Variants in RAD51B observed in about 807,000 individuals in gnomAD.
The protein encoded by RAD51B is DNA repair protein RAD51 homolog 2.
Under a neutral mutation model 42.2 loss-of-function variants are expected in RAD51B, and 38 were observed. The ratio of observed to expected loss-of-function variants is 0.90; its 90% confidence interval spans 0.70 to 1.18. The LOEUF (loss-of-function observed/expected upper bound fraction) is 1.18, where lower values mean the gene tolerates loss of function less well. RAD51B is among the 50% of genes most tolerant of loss of function. The probability of loss-of-function intolerance (pLI) is 0.00; values close to 1 mark genes in which losing one functional copy is unlikely to be tolerated. For missense variants in RAD51B, 373 were observed against 400.7 expected (o/e 0.93, Z 0.59); for synonymous variants, 154 against 145.2 (o/e 1.06, Z -0.43).
intron 7 of RAD51B, among the ~76,000 whole-genome samples, chr14:68,192,580 C>T (rs1378246522): frequency 1.3e-5 from 2 of 152,150 alleles, no homozygotes; most frequent in African/African-American, 2.4e-5. Context: ...TATGTTGGCT[C>T]TCTGAAAACA....
At chr14:68,226,413 C>T (rs1221249938) in intron 7 of RAD51B, among the ~76,000 whole-genome samples, 1 of 152,210 alleles carries the variant, frequency 6.6e-6, no homozygotes, top group Non-Finnish European at 1.5e-5. Flanking sequence ...CCACCCAAAT[C>T]TCACCTTGAA....
At chr14:68,354,194 T>G (rs946326303) in intron 8 of RAD51B, among the ~76,000 whole-genome samples, 3 of 149,080 alleles carry the variant, frequency 2.0e-5, no homozygotes, top group Non-Finnish European at 4.4e-5. Context: ...TCCAATAATG[T>G]TTTTTGGTTT....
chr14:67,965,062 A>T, intron 7 of RAD51B, among the ~76,000 whole-genome samples: 1 of 152,190 alleles, frequency 6.6e-6, no homozygotes, highest in Admixed American at 6.5e-5. Flanking sequence ...GCACAGAGAA[A>T]ATTGGCAAAC....
intron 7 of RAD51B, among the ~76,000 whole-genome samples, chr14:67,911,892 C>T (rs1007895096): frequency 1.3e-5 from 2 of 152,058 alleles, no homozygotes; most frequent in Non-Finnish European, 2.9e-5. Flanking sequence ...GTCTGGGGAG[C>T]GACTCTTATA....
intron 7 of RAD51B, among the ~76,000 whole-genome samples, chr14:68,138,509 TTC>T (rs946127278): frequency 2.6e-5 from 4 of 152,114 alleles, no homozygotes; most frequent in Non-Finnish European, 5.9e-5. Flanking sequence ...TAAAAAAAAA[TTC>T]TCTTTTCTTG....
chr14:68,592,587 A>T (rs773789769), intron 10 of RAD51B, among the ~76,000 whole-genome samples: 8 of 152,200 alleles, frequency 5.3e-5, no homozygotes, highest in Non-Finnish European at 1.2e-4. Context: ...CAGGGCCAGG[A>T]TTAGAATGCT....
intron 7 of RAD51B, among the ~76,000 whole-genome samples, chr14:67,921,985 G>T (rs1446497801): frequency 6.6e-6 from 1 of 152,182 alleles, no homozygotes; most frequent in East Asian, 1.9e-4. Context: ...TTTGCTTTCA[G>T]AAATCTCCAG....
At chr14:68,460,226 T>C (rs901531411) in intron 9 of RAD51B, among the ~76,000 whole-genome samples, 2 of 152,068 alleles carry the variant, frequency 1.3e-5, no homozygotes, top group Admixed American at 6.5e-5. Flanking sequence ...CTGAAGCAGG[T>C]GGATCACCTG....
At chr14:68,597,481 G>A (rs1344946973), downstream of RAD51B, among the ~76,000 whole-genome samples, 1 of 152,220 alleles carries the variant, frequency 6.6e-6, no homozygotes, top group Non-Finnish European at 1.5e-5. Flanking sequence ...ACAAGATCGT[G>A]TCTCTTGTAG....
At chr14:68,216,836 G>A (rs868504013) in intron 7 of RAD51B, among the ~76,000 whole-genome samples, 6 of 152,246 alleles carry the variant, frequency 3.9e-5, no homozygotes, top group African/African-American at 1.2e-4. Flanking sequence ...GGGGTCAAGA[G>A]GAGCCTGGAC....
intron 9 of RAD51B, among the ~76,000 whole-genome samples, chr14:68,420,765 T>G (rs1453418870): frequency 2.0e-5 from 3 of 152,230 alleles, no homozygotes; most frequent in Non-Finnish European, 4.4e-5. Flanking sequence ...TGACCTCCTA[T>G]CTCATGCTGT....
chr14:67,906,530 T>C (rs1311910087), intron 7 of RAD51B, among the ~76,000 whole-genome samples: 1 of 152,102 alleles, frequency 6.6e-6, no homozygotes, highest in African/African-American at 2.4e-5. Flanking sequence ...TCCAGGGTTT[T>C]TTCTGGCTGG....
chr14:68,337,626 G>T (rs775024845), intron 8 of RAD51B, among the ~76,000 whole-genome samples: 3 of 152,146 alleles, frequency 2.0e-5, no homozygotes, highest in Non-Finnish European at 4.4e-5. Context: ...ATTTTCCCTT[G>T]CCTAGGCTAT....
intron 7 of RAD51B, among the ~76,000 whole-genome samples, chr14:68,030,650 G>A (rs941344760): frequency 2.0e-5 from 3 of 152,090 alleles, no homozygotes; most frequent in Admixed American, 6.5e-5. Context: ...TCAGCAATAC[G>A]GCTGTTTCAC....
chr14:67,870,312 A>G (rs924997376), intron 5 of RAD51B, among the ~76,000 whole-genome samples: 12 of 152,248 alleles, frequency 7.9e-5, no homozygotes, highest in African/African-American at 2.9e-4. Context: ...CAGACTTTAA[A>G]CCAACAAAGA....
intron 7 of RAD51B, among the ~76,000 whole-genome samples, chr14:68,130,876 G>A (rs1248590797): frequency 1.3e-5 from 2 of 152,070 alleles, no homozygotes; most frequent in African/African-American, 4.8e-5. Flanking sequence ...CTGACTTTGT[G>A]TGTGTGGGTG....
At chr14:68,315,400 C>G (rs2082036441) in intron 8 of RAD51B, among the ~76,000 whole-genome samples, 1 of 152,222 alleles carries the variant, frequency 6.6e-6, no homozygotes, top group Non-Finnish European at 1.5e-5. Flanking sequence ...GCACAACAGT[C>G]TTTGCATGTA....
chr14:67,854,020 G>C (rs1405314083), intron 4 of RAD51B, among the ~76,000 whole-genome samples: 2 of 152,182 alleles, frequency 1.3e-5, no homozygotes, highest in Non-Finnish European at 2.9e-5. Context: ...CTTAAAGTTT[G>C]TATTATGTGG....
intron 10 of RAD51B, among the ~76,000 whole-genome samples, chr14:68,622,836 G>T (rs1351043253): frequency 1.3e-5 from 2 of 151,996 alleles, no homozygotes; most frequent in African/African-American, 2.4e-5. Flanking sequence ...CTGGGTCACA[G>T]CTGGGGAAAA....
Sources: gnomAD v4.1 joint callset for allele counts (sites outside exome capture counted in the v4.1 genomes callset) on GRCh38, gnomAD v4.1.1 for gene constraint, MANE v1.5 for transcripts, NCBI Gene and HGNC (gene_info 2026-07-23, HGNC 2026-07-21) for gene names.